DMD: variants seen among roughly 807,000 people sequenced by gnomAD.
DMD encodes mutant dystrophin.
Under a neutral mutation model 330.1 loss-of-function variants are expected in DMD, and 63 were observed. That is an observed-to-expected ratio of 0.19 (90% CI 0.16 to 0.24). The LOEUF (loss-of-function observed/expected upper bound fraction) is 0.24. DMD is among the 10% of genes least tolerant of loss of function. The probability of loss-of-function intolerance (pLI) is 1.00; values close to 1 mark genes in which losing one functional copy is unlikely to be tolerated. For synonymous variants in DMD, 1,223 were observed against 959.8 expected, an observed-to-expected ratio of 1.27 and a Z score of -5.07; for missense variants, 3,344 against 2,684.1, an observed-to-expected ratio of 1.25 and a Z score of -5.43.
chrX:31,434,409 A>AGCGCGCGC (rs1235059344), intron 60 of DMD, among the ~76,000 whole-genome samples: 20 of 61,296 alleles, frequency 3.3e-4, no homozygotes, highest in African/African-American at 1.4e-3. Context: ...CCCTTACTGC[A>AGCGCGCGC]GCGCGCGCGC....
intron 3 of DMD, among the ~76,000 whole-genome samples, chrX:32,847,548 G>A (rs1181532537): frequency 2.7e-5 from 3 of 112,254 alleles, no homozygotes; most frequent in South Asian, 7.3e-4. Flanking sequence ...AAGGCATAGC[G>A]AATTGGAGTT....
In DMD at chrX:31,958,363, C is replaced by G. The variant is rs754799410; in HGVS notation, c.6614+9976G>C. On this transcript the variant is annotated intron_variant, in intron 45 of 78. Transcript: ENST00000357033. Reference sequence around the variant, plus strand: ...TTAAATATACATATGGGCATCTACTCTTTCCCTAGGGTGCCCCAAATAAAA... The same window carrying G: ...TTAAATATACATATGGGCATCTACTGTTTCCCTAGGGTGCCCCAAATAAAA... Among the ~76,000 whole-genome samples, 18 of 111,169 alleles carry G rather than the reference C, an allele frequency of 1.6e-4. No homozygotes were observed. In the South Asian group the frequency reaches 6.9e-3, roughly 43 times the overall value.
intron 8 of DMD, among the ~76,000 whole-genome samples, chrX:32,698,805 T>A (rs1386733096): frequency 5.4e-5 from 6 of 111,522 alleles, no homozygotes; most frequent in Non-Finnish European, 1.1e-4. Flanking sequence ...GTTTAATATG[T>A]ACGTAAGTTT....
chrX:32,252,757 TATATAAATATATATAA>T (rs2097274687), intron 43 of DMD, among the ~76,000 whole-genome samples: 1 of 28,524 alleles, frequency 3.5e-5, no homozygotes, highest in African/African-American at 3.8e-4. Context: ...TATATATAAA[TATATAAATATATATAA>T]ATATATATAA....
At chrX:32,401,512 T>A (rs925373764) in intron 30 of DMD, among the ~76,000 whole-genome samples, 11 of 110,747 alleles carry the variant, frequency 9.9e-5, no homozygotes, top group Non-Finnish European at 1.7e-4. Flanking sequence ...AGCTAAAAAT[T>A]AAGATAATTG....
At chrX:33,300,279 G>A (rs1603429493) in intron 1 of DMD, among the ~76,000 whole-genome samples, 1 of 112,366 alleles carries the variant, frequency 8.9e-6, no homozygotes, top group East Asian at 2.8e-4. Context: ...CAGAATGCTT[G>A]TACTAGTTTA....
At chrX:32,657,900 G>T (rs2060690712) in intron 9 of DMD, among the ~76,000 whole-genome samples, 1 of 111,445 alleles carries the variant, frequency 9.0e-6, no homozygotes, top group Non-Finnish European at 1.9e-5. Context: ...GGAAAAAAAT[G>T]ATTCACTGGA....
At chrX:31,313,747 C>T (rs1199938011) in intron 62 of DMD, among the ~76,000 whole-genome samples, 1 of 109,930 alleles carries the variant, frequency 9.1e-6, no homozygotes, top group African/African-American at 3.3e-5. Context: ...ATCAATTCTC[C>T]CCCCTCCCCT....
At chrX:32,655,319 C>G (rs12396662) in intron 9 of DMD, among the ~76,000 whole-genome samples, 6,353 of 111,931 alleles carry the variant, frequency 0.057, 448 homozygotes, top group African/African-American at 0.2. Context: ...ATGTGTCCCA[C>G]AGATTCTGGT....
rs1328661769 is a variant in DMD at position 31,317,384 on chromosome X, ATAC to A, written c.9224+6211_9224+6213del. 3.6e-5 allele frequency among the ~76,000 whole-genome samples: 4 copies of A among 111,963 alleles called. No homozygotes were observed. In the Admixed American group the frequency reaches 3.8e-4, roughly 11 times the overall value. Reference sequence around the variant, plus strand: ...CTTACCAGAAATAGCACAAAATTATATACTACATGATGTGTTCACATTGTATGA... The same window carrying A: ...CTTACCAGAAATAGCACAAAATTATATACATGATGTGTTCACATTGTATGA... On this transcript the variant is annotated intron_variant, in intron 62 of 78. Coordinates refer to ENST00000357033, the MANE Select transcript of DMD (RefSeq NM_004006.3).
At chrX:32,648,924 T>C (rs2059951041) in intron 9 of DMD, among the ~76,000 whole-genome samples, 2 of 111,317 alleles carry the variant, frequency 1.8e-5, no homozygotes, top group South Asian at 7.5e-4. Context: ...TATAGATCTA[T>C]TTATAAGAAA....
At chrX:32,986,006 A>T (rs1347144763) in intron 2 of DMD, among the ~76,000 whole-genome samples, 2 of 111,617 alleles carry the variant, frequency 1.8e-5, no homozygotes, top group African/African-American at 6.5e-5. Flanking sequence ...TTAAAATTAA[A>T]ATAAGTATTA....
chrX:31,757,890 G>A (rs912514915), intron 51 of DMD, among the ~76,000 whole-genome samples: 3 of 110,651 alleles, frequency 2.7e-5, no homozygotes, highest in Non-Finnish European at 5.7e-5. Context: ...GACTTGACAC[G>A]GGGTTATAAA....
At chrX:32,821,996 T>C (rs995582664) in intron 5 of DMD, among the ~76,000 whole-genome samples, 3 of 111,647 alleles carry the variant, frequency 2.7e-5, no homozygotes, top group African/African-American at 9.8e-5. Flanking sequence ...ACCAGATTGA[T>C]GCAAATTGAA....
At chrX:32,575,385 T>A (rs140406265) in intron 13 of DMD, among the ~76,000 whole-genome samples, 1 of 112,523 alleles carries the variant, frequency 8.9e-6, no homozygotes, top group East Asian at 2.8e-4. Context: ...TTCATAAATA[T>A]CAATGTTATT....
At chrX:32,647,957 G>A (rs973264123) in intron 9 of DMD, among the ~76,000 whole-genome samples, 3 of 111,824 alleles carry the variant, frequency 2.7e-5, no homozygotes, top group African/African-American at 9.7e-5. Flanking sequence ...TCGTATTTAA[G>A]AGTTCTTAAA....
At chrX:33,051,869 G>A (rs746892813) in intron 1 of DMD, among the ~76,000 whole-genome samples, 8 of 108,309 alleles carry the variant, frequency 7.4e-5, no homozygotes, top group East Asian at 3.0e-4. Context: ...GGCCAGTCTC[G>A]AACTCCTGAC....
intron 44 of DMD, among the ~76,000 whole-genome samples, chrX:32,209,259 T>A (rs1263619014): frequency 9.0e-6 from 1 of 111,355 alleles, no homozygotes; most frequent in East Asian, 2.8e-4. Flanking sequence ...ACGTGTGTGC[T>A]TTCTTTAAGA....
At chrX:32,812,880 G>A (rs542000479) in intron 6 of DMD, among the ~76,000 whole-genome samples, 11 of 111,485 alleles carry the variant, frequency 9.9e-5, no homozygotes, top group African/African-American at 3.6e-4. Flanking sequence ...TTCACTATGC[G>A]CACTCTGCCT....
Sources: gnomAD v4.1 joint callset for allele counts (sites outside exome capture counted in the v4.1 genomes callset) on GRCh38, gnomAD v4.1.1 for gene constraint, MANE v1.5 for transcripts, NCBI Gene and HGNC (gene_info 2026-07-23, HGNC 2026-07-21) for gene names.